Variants in AUH observed in about 807,000 individuals in gnomAD.
AUH encodes the protein AU RNA binding methylglutaconyl-CoA hydratase.
AUH carries 29 observed loss-of-function variants against 42.3 expected under a neutral mutation model. The observed-to-expected ratio is 0.69, with a 90% CI of 0.51 to 0.93. The LOEUF is 0.93. Ranked by LOEUF, AUH falls within the 40% of genes least tolerant of loss-of-function variation. The pLI, the probability that AUH is intolerant of heterozygous loss-of-function variation, is 0.00. For missense variants in AUH, 452 were observed against 438.1 expected (o/e 1.03, Z -0.28); for synonymous variants, 174 against 166.4 (o/e 1.05, Z -0.35).
intron 6 of AUH, among the ~76,000 whole-genome samples, chr9:91,235,278 T>G (rs2131310862): frequency 6.6e-6 from 1 of 152,254 alleles, no homozygotes; most frequent in South Asian, 2.1e-4. Flanking sequence ...GATGGCAGCT[T>G]GGACCGAGAC....
At chr9:91,333,967 A>G (rs1002615000) in intron 3 of AUH, among the ~76,000 whole-genome samples, 2 of 152,202 alleles carry the variant, frequency 1.3e-5, no homozygotes, top group African/African-American at 4.8e-5. Context: ...ATGAAGAGAA[A>G]GAGAACTGGA....
At chr9:91,349,361 A>G (rs542469266) in intron 3 of AUH, among the ~76,000 whole-genome samples, 11 of 152,372 alleles carry the variant, frequency 7.2e-5, no homozygotes, top group Middle Eastern at 3.4e-3. Flanking sequence ...TGTTTATCAT[A>G]TATCTTAGGA....
At chr9:91,271,178 C>T (rs1210183264) in intron 6 of AUH, among the ~76,000 whole-genome samples, 1 of 152,156 alleles carries the variant, frequency 6.6e-6, no homozygotes, top group Non-Finnish European at 1.5e-5. Context: ...TGTTTGTTTG[C>T]TAGAAACGAA....
At chr9:91,349,724 G>A (rs949007293) in intron 3 of AUH, among the ~76,000 whole-genome samples, 2 of 152,100 alleles carry the variant, frequency 1.3e-5, no homozygotes, top group East Asian at 1.9e-4. Flanking sequence ...GAGAGGGAGA[G>A]GGAGAGAGAG....
Position 91,230,108 on chromosome 9 carries a change from T to G in AUH, c.656-9116A>C, listed in dbSNP as rs917705265. On this transcript the variant is annotated intron_variant, in intron 6 of 9. Transcript: ENST00000375731. Reference sequence around the variant, plus strand: ...CCTGAATCTGAATGTTGGCCTGCCTTGCTAGATTGGGGAAATTCTCCTGGA... The same window carrying G: ...CCTGAATCTGAATGTTGGCCTGCCTGGCTAGATTGGGGAAATTCTCCTGGA... Among the ~76,000 whole-genome samples, 4 of 151,476 alleles carry G rather than the reference T, an allele frequency of 2.6e-5. No homozygotes were observed. The East Asian group carries it at 7.7e-4, about 29-fold the overall frequency.
intron 6 of AUH, among the ~76,000 whole-genome samples, chr9:91,243,088 T>C (rs1053995032): frequency 1.2e-4 from 19 of 152,370 alleles, no homozygotes; most frequent in African/African-American, 4.6e-4. Flanking sequence ...ATCATAATTA[T>C]CTTCATTTGA....
intron 3 of AUH, among the ~76,000 whole-genome samples, chr9:91,333,156 C>T (rs561627226): frequency 6.6e-5 from 10 of 152,290 alleles, no homozygotes; most frequent in Non-Finnish European, 1.5e-4. Flanking sequence ...TGAGATTTTC[C>T]TCGGCCAAAA....
At position 91,322,857 on chromosome 9, in the gene AUH, T is replaced by C. The variant is rs551238757; in HGVS notation, c.505+2461A>G. ...GACCAGACAGAGCTTATTCTAGTAA[T>C]GTATGGCCACCGCAGCATTAGTAAA... is the stretch of plus-strand genomic sequence containing the variant. On this transcript the variant is annotated intron_variant, in intron 4 of 9. Transcript: ENST00000375731. Among the ~76,000 whole-genome samples, 3 of 152,316 alleles carry C rather than the reference T, an allele frequency of 2.0e-5. No individual in the cohort carries two copies. The East Asian group carries it at 5.8e-4, about 29-fold the overall frequency.
chr9:91,299,733 A>G (rs1283735236), intron 4 of AUH, among the ~76,000 whole-genome samples: 1 of 152,206 alleles, frequency 6.6e-6, no homozygotes, highest in Admixed American at 6.5e-5. Flanking sequence ...AGTCCTTCCC[A>G]AGGTCATCCT....
At chr9:91,273,083 C>T (rs556792010) in intron 6 of AUH, among the ~76,000 whole-genome samples, 17 of 152,214 alleles carry the variant, frequency 1.1e-4, no homozygotes, top group Non-Finnish European at 2.2e-4. Context: ...CCGAAACTAC[C>T]AGGAATGCTG....
chr9:91,282,796 G>A (rs934973058), intron 6 of AUH, among the ~76,000 whole-genome samples: 6 of 152,080 alleles, frequency 3.9e-5, no homozygotes, highest in African/African-American at 1.4e-4. Flanking sequence ...CCAATAACAG[G>A]CTCTGAAATT....
chr9:91,292,578 C>A (rs1413457581), intron 6 of AUH, among the ~76,000 whole-genome samples: 1 of 151,958 alleles, frequency 6.6e-6, no homozygotes, highest in African/African-American at 2.4e-5. Flanking sequence ...CGCACCCAGG[C>A]ACCTCTCTTC....
At chr9:91,242,475 T>C (rs1460818358) in intron 6 of AUH, among the ~76,000 whole-genome samples, 1 of 152,162 alleles carries the variant, frequency 6.6e-6, no homozygotes, top group African/African-American at 2.4e-5. Context: ...GAACCACTTA[T>C]CTTGAAAAAA....
At chr9:91,361,556 C>A in intron 1 of AUH, 72 bp downstream of exon 1, 1 of 1,534,318 alleles carries the variant, frequency 6.5e-7, no homozygotes, top group Non-Finnish European at 8.8e-7. Flanking sequence ...CCGGCGGACG[C>A]TGCACCTTAT....
chr9:91,218,112 C>T (rs1826932191), intron 7 of AUH, among the ~76,000 whole-genome samples: 1 of 152,170 alleles, frequency 6.6e-6, no homozygotes, highest in African/African-American at 2.4e-5. Flanking sequence ...AATTAAAACA[C>T]AAGGTAGGCT....
intron 3 of AUH, among the ~76,000 whole-genome samples, chr9:91,338,601 T>C (rs1830869305): frequency 6.6e-6 from 1 of 152,216 alleles, no homozygotes. Flanking sequence ...CTGCTAATTT[T>C]TGTATTTTTA....
At chr9:91,287,474 A>G (rs10991868) in intron 6 of AUH, among the ~76,000 whole-genome samples, 10,877 of 152,184 alleles carry the variant, frequency 0.071, 671 homozygotes, top group East Asian at 0.26. Context: ...TTAGTTAGTA[A>G]TAACATACCA....
Position 91,218,736 on chromosome 9 carries a change from G to A in AUH, c.844-1409C>T, listed in dbSNP as rs967965949. ...ACAAGCCTTTTTTTCTCAGATAAAT[G>A]GAAGTAATATATAATACAGATATCA... On this transcript the variant is annotated intron_variant, in intron 7 of 9. Coordinates refer to ENST00000375731, the MANE Select transcript of AUH (RefSeq NM_001698.3). 27 of 983,958 alleles carry A rather than the reference G, an allele frequency of 2.7e-5. No homozygotes were observed. In the African/African-American group the frequency reaches 4.7e-4, roughly 17 times the overall value. 61.0% of individuals were successfully genotyped at this position (983,958 alleles called of 1,614,324 possible). A position where few individuals can be genotyped will look rare whatever the true frequency, so the allele number is the denominator to read the frequency against.
chr9:91,347,204 A>AG (rs1273985788), intron 3 of AUH, among the ~76,000 whole-genome samples: 1 of 115,464 alleles, frequency 8.7e-6, no homozygotes, highest in Non-Finnish European at 1.9e-5. Context: ...CACCCAGTTA[A>AG]GAGGGTTTTT....
Sources: allele counts gnomAD v4.1 joint callset (sites outside exome capture counted in the v4.1 genomes callset), GRCh38; gene constraint gnomAD v4.1.1; transcripts MANE v1.5; gene names NCBI Gene and HGNC (gene_info 2026-07-23, HGNC 2026-07-21).